Variants in THUMPD1 observed in about 807,000 individuals in gnomAD.
THUMPD1 encodes THUMP domain 1 NAT10 acetyltransferase adaptor.
A neutral mutation model predicts 31.6 loss-of-function variants in THUMPD1; 31 were observed. The observed-to-expected ratio is 0.98, with a 90% CI of 0.74 to 1.32. The LOEUF (loss-of-function observed/expected upper bound fraction) is 1.32, where lower values mean the gene tolerates loss of function less well. THUMPD1 is among the 40% of genes most tolerant of loss of function. The pLI is 0.00. For synonymous variants in THUMPD1, 166 were observed against 158.2 expected (o/e 1.05, Z -0.37); for missense variants, 446 against 427.8 (o/e 1.04, Z -0.38).
Position 20,741,587 on chromosome 16 carries a change from A to G in THUMPD1, c.153T>C (p.Asn51=), listed in dbSNP as rs1183111874. ...CCTCCACGCACTTGCGCTCGTTCATATTGCAGGTGATGAGGATGCCCTGTA... is the reference window on the plus strand; with the variant it reads ...CCTCCACGCACTTGCGCTCGTTCATGTTGCAGGTGATGAGGATGCCCTGTA... The part of the protein sequence containing the change: ...PGLQGILITC[N]MNERKCVEEA... Residue 51 remains asparagine (N), a synonymous_variant, in exon 1 of 4, where the codon AAT becomes AAC. Coordinates refer to ENST00000396083, the MANE Select transcript of THUMPD1 (RefSeq NM_017736.5). The G allele has an allele frequency of 6.4e-7, 1 of 1,572,266 alleles. No individual in the cohort carries two copies. The highest frequency in any genetic ancestry group is 8.6e-7 in the Non-Finnish European group (1 of 1,160,410).
intron 2 of THUMPD1, chr16:20,738,308 T>G: frequency 3.1e-6 from 1 of 325,886 alleles, no homozygotes; most frequent in Non-Finnish European, 5.9e-6. Flanking sequence ...CACACTTTTT[T>G]ACAAAAAAAA....
intron 2 of THUMPD1, chr16:20,738,258 G>A (rs948199541): frequency 1.5e-5 from 7 of 479,944 alleles, no homozygotes; most frequent in African/African-American, 1.2e-4. Flanking sequence ...GTAACACCAT[G>A]CTGTTGTTTT....
chr16:20,737,237 T>C lies in THUMPD1; in HGVS notation c.705A>G (p.Pro235=), dbSNP rs2079878334. Residue 235 remains proline (P), a synonymous_variant, in exon 4 of 4, where the codon CCA becomes CCG. Transcript: ENST00000396083. ...NSENKVDLTN[P]QYTVVVEIIK... ...TGATTTCTACTACCACTGTGTACTG[T>C]GGATTGGTGAGATCCACTTTATTTT... 2 of 1,614,152 alleles carry C rather than the reference T, an allele frequency of 1.2e-6. No homozygotes were observed. The highest frequency in any genetic ancestry group is 1.7e-6 in the Non-Finnish European group (2 of 1,180,002).
rs1331052470 is a variant in THUMPD1 at position 20,736,379 on chromosome 16, A to T, written c.*501T>A. The T allele has an allele frequency of 4.3e-5, 1 of 23,106 alleles. No individual in the cohort carries two copies. Among genetic ancestry groups the T allele is most frequent in the South Asian group, 2.3e-3 (1 of 434 alleles). The allele number at this position is 23,106 out of a possible 1,614,324, so 1.4% of individuals were successfully genotyped here. On this transcript the variant is annotated 3_prime_UTR_variant, in exon 4 of 4. Transcript: ENST00000396083. Reference sequence around the variant, plus strand: ...GTCAGCTATATTACACACAAATGTTAAAAAAAAAAAAAAAAAACAGACATA... The same window carrying T: ...GTCAGCTATATTACACACAAATGTTTAAAAAAAAAAAAAAAAACAGACATA...
chr16:20,739,509 G>C (rs2079899700), intron 1 of THUMPD1, among the ~76,000 whole-genome samples: 1 of 152,032 alleles, frequency 6.6e-6, no homozygotes, highest in Non-Finnish European at 1.5e-5. Flanking sequence ...TACGAAGCTG[G>C]GACACCACAC....
chr16:20,741,000 C>G (rs1042407777), intron 1 of THUMPD1, among the ~76,000 whole-genome samples: 2 of 152,162 alleles, frequency 1.3e-5, no homozygotes, highest in Admixed American at 1.3e-4. Context: ...CTCAGTGGCT[C>G]GCGCCTGTAA....
At chr16:20,741,448 A>G (rs995976257) in intron 1 of THUMPD1, 61 bp downstream of exon 1, 32 of 1,469,168 alleles carry the variant, frequency 2.2e-5, no homozygotes, top group Admixed American at 7.5e-5. Context: ...CCATCCCTCC[A>G]CCCTTCCCTC....
chr16:20,737,868 G>A lies in THUMPD1; in HGVS notation c.495C>T (p.Ile165=). 1 of 1,613,818 alleles carries A rather than the reference G, an allele frequency of 6.2e-7. No homozygotes were observed. The highest frequency in any genetic ancestry group is 8.5e-7 in the Non-Finnish European group (1 of 1,179,920). ...KTRVILRMLP[I]SGTCKAFLED... ...CTAAAAAAGCCTTGCATGTGCCTGAGATGGGTAACATTCGCAAAATAACTC... is the reference window on the plus strand; with the variant it reads ...CTAAAAAAGCCTTGCATGTGCCTGAAATGGGTAACATTCGCAAAATAACTC... Residue 165 remains isoleucine, a synonymous_variant, in exon 3 of 4, where the codon ATC becomes ATT. Transcript: ENST00000396083.
chr16:20,739,034 C>T lies in THUMPD1; in HGVS notation c.269G>A (p.Gly90Glu), dbSNP rs1189046906. Residue 90 changes from glycine (G) to glutamate (E), a missense_variant, in exon 2 of 4, where the codon GGA becomes GAA. Physicochemically the swap from Gly to Glu is moderately conservative, Grantham distance 98. Coordinates refer to ENST00000396083, the MANE Select transcript of THUMPD1 (RefSeq NM_017736.5). ...GGCAGCCTCCGCATCATCATCCTCTCCCTCACTTCCAGAGGGCTGCTGATC... is the reference window on the plus strand; with the variant it reads ...GGCAGCCTCCGCATCATCATCCTCTTCCTCACTTCCAGAGGGCTGCTGATC... ...DKDQQPSGSE[G>E]EDDDAEAALK... The T allele has an allele frequency of 6.2e-7, 1 of 1,614,208 alleles. No individual in the cohort carries two copies. Among genetic ancestry groups the T allele is most frequent in the South Asian group, 1.1e-5 (1 of 91,088 alleles).
At position 20,734,836 on chromosome 16, in the gene THUMPD1, T is replaced by A. The variant is rs2079855752; in HGVS notation, c.*2044A>T. ...CTTATTTCACAGAAATCTAGGACTGTCAGACTAGGGCTGAGTTCATTCTCT... is the reference window on the plus strand; with the variant it reads ...CTTATTTCACAGAAATCTAGGACTGACAGACTAGGGCTGAGTTCATTCTCT... On this transcript the variant is annotated 3_prime_UTR_variant, in exon 4 of 4. Transcript: ENST00000396083. 6.6e-6 allele frequency: 1 copy of A among 152,204 alleles called. No homozygotes were observed. Among genetic ancestry groups the A allele is most frequent in the African/African-American group, 2.4e-5 (1 of 41,446 alleles). The allele number at this position is 152,204 out of a possible 1,614,324, so 9.4% of individuals were successfully genotyped here. A position where few individuals can be genotyped will look rare whatever the true frequency, so the allele number is the denominator to read the frequency against.
rs759722400 is a variant in THUMPD1, at chr16:20,739,077, T to C, written c.232-6A>G. 6.2e-7 allele frequency: 1 copy of C among 1,614,038 alleles called. No homozygotes were observed. The highest frequency in any genetic ancestry group is 8.5e-7 in the Non-Finnish European group (1 of 1,179,934). On this transcript the variant is annotated splice_polypyrimidine_tract_variant and splice_region_variant and intron_variant, in intron 1 of 3. Coordinates refer to ENST00000396083, the MANE Select transcript of THUMPD1 (RefSeq NM_017736.5). ...TGCTGATCCTTGTCTGTAAACTGTT[T>C]GCATAAAACTAATGAGCAGAAATGA...
chr16:20,738,829 G>A, intron 2 of THUMPD1, 68 bp downstream of exon 2: 2 of 1,553,948 alleles, frequency 1.3e-6, no homozygotes, highest in East Asian at 2.2e-5. Flanking sequence ...TTTGTAAGCA[G>A]TATTCCCTGA....
rs929343973 is a variant in THUMPD1 at position 20,733,670 on chromosome 16, G to A, written c.*3210C>T. 1 of 151,810 alleles carries A rather than the reference G, an allele frequency of 6.6e-6. No homozygotes were observed. Among genetic ancestry groups the A allele is most frequent in the African/African-American group, 2.4e-5 (1 of 41,338 alleles). The allele number at this position is 151,810 out of a possible 1,614,324, so 9.4% of individuals were successfully genotyped here. A position where few individuals can be genotyped will look rare whatever the true frequency, so the allele number is the denominator to read the frequency against. On this transcript the variant is annotated 3_prime_UTR_variant, in exon 4 of 4. Coordinates refer to ENST00000396083, the MANE Select transcript of THUMPD1 (RefSeq NM_017736.5). ...AAAAATATTAGAACACCAATTTTTAGGGAACAAATTTATTTTGATTTTTCT... is the reference window on the plus strand; with the variant it reads ...AAAAATATTAGAACACCAATTTTTAAGGAACAAATTTATTTTGATTTTTCT...
intron 1 of THUMPD1, 34 bp downstream of exon 1, chr16:20,741,475 C>T: frequency 2.1e-6 from 3 of 1,412,890 alleles, no homozygotes; most frequent in Non-Finnish European, 2.8e-6. Context: ...CAAGGCCTGG[C>T]AGCCGGCCCG....
At chr16:20,738,204 G>C (rs910963691) in intron 2 of THUMPD1, 6 of 530,450 alleles carry the variant, frequency 1.1e-5, no homozygotes, top group African/African-American at 9.6e-5. Context: ...TGTTTAGGTA[G>C]ACACCGTTGT....
At chr16:20,740,933 G>C (rs1345846800) in intron 1 of THUMPD1, among the ~76,000 whole-genome samples, 1 of 152,162 alleles carries the variant, frequency 6.6e-6, no homozygotes, top group Non-Finnish European at 1.5e-5. Flanking sequence ...TTCTGAAAGA[G>C]CTTCAGCACA....
chr16:20,736,395 A>AG lies in THUMPD1; in HGVS notation c.*484_*485insC, dbSNP rs1297002901. 1.3e-5 allele frequency: 2 copies of AG among 152,732 alleles called. No homozygotes were observed. The highest frequency in any genetic ancestry group is 2.9e-5 in the Non-Finnish European group (2 of 68,564). The allele number at this position is 152,732 out of a possible 1,614,324, so 9.5% of individuals were successfully genotyped here. A position where few individuals can be genotyped will look rare whatever the true frequency, so the allele number is the denominator to read the frequency against. On this transcript the variant is annotated 3_prime_UTR_variant, in exon 4 of 4. Transcript: ENST00000396083. ...ACAAATGTTAAAAAAAAAAAAAAAA[A>AG]ACAGACATAAACAAGAAAATCACAA... is the stretch of plus-strand genomic sequence containing the variant.
rs148806918 is a variant in THUMPD1 at position 20,737,727 on chromosome 16, T to G, written c.636A>C (p.Glu212Asp). The change falls in exon 3 of 4, where the codon GAA (glutamate) becomes GAC (aspartate). Residue 212 changes from glutamate (E) to aspartate (D), a missense_variant. Transcript: ENST00000396083. Reference protein sequence around the residue: ...SRNNSHVNREEVIRELAGIVC... With the variant: ...SRNNSHVNREDVIRELAGIVC... ...ACATACCTGCCAATTCTCTGATAAC[T>G]TCTTCTCTATTCACATGACTGTTAT... 12 of 1,611,156 alleles carry G rather than the reference T, an allele frequency of 7.4e-6. No homozygotes were observed. The highest frequency in any genetic ancestry group is 1.0e-5 in the Non-Finnish European group (12 of 1,178,680).
In THUMPD1 at chr16:20,734,159, T is replaced by A. The variant is rs2079848943; in HGVS notation, c.*2721A>T. ...AAACAAACTGTATAATCAAAATCTT[T>A]CCGTAAAATAGCAGCTTTCACAAAG... On this transcript the variant is annotated 3_prime_UTR_variant, in exon 4 of 4. Coordinates refer to ENST00000396083, the MANE Select transcript of THUMPD1 (RefSeq NM_017736.5). 6.6e-6 allele frequency: 1 copy of A among 152,588 alleles called. No homozygotes were observed. Among genetic ancestry groups the A allele is most frequent in the South Asian group, 2.1e-4 (1 of 4,836 alleles). 9.5% of individuals were successfully genotyped at this position (152,588 alleles called of 1,614,324 possible).
Sources: allele counts gnomAD v4.1 joint callset (sites outside exome capture counted in the v4.1 genomes callset), GRCh38; gene constraint gnomAD v4.1.1; transcripts MANE v1.5; gene names NCBI Gene and HGNC (gene_info 2026-07-23, HGNC 2026-07-21).